Variants in MED12L observed in about 807,000 individuals in gnomAD.
MED12L encodes the protein mediator of RNA polymerase II transcription subunit 12-like protein.
Under a neutral mutation model 281.3 loss-of-function variants are expected in MED12L, and 60 were observed. The ratio of observed to expected loss-of-function variants is 0.21; its 90% CI spans 0.17 to 0.26. The LOEUF is 0.26. MED12L is among the 10% of genes least tolerant of loss of function. MED12L has a pLI of 1.00. For missense variants in MED12L, 2,146 were observed against 2,680.9 expected, an observed-to-expected ratio of 0.80 and a Z score of 4.41; for synonymous variants, 974 against 987.2, an observed-to-expected ratio of 0.99 and a Z score of 0.25.
intron 16 of MED12L, among the ~76,000 whole-genome samples, chr3:151,223,795 A>G (rs547660284): frequency 9.3e-4 from 141 of 152,338 alleles, no homozygotes; most frequent in Admixed American, 1.4e-3. Flanking sequence ...GTGTCACACA[A>G]TATACCCAAG....
At chr3:151,201,798 T>TA (rs1210839119) in intron 16 of MED12L, among the ~76,000 whole-genome samples, 9 of 152,242 alleles carry the variant, frequency 5.9e-5, no homozygotes, top group African/African-American at 1.9e-4. Flanking sequence ...TGTGCATTGA[T>TA]ATAGTGTCAC....
At chr3:151,360,347 A>T in intron 20 of MED12L, 127 bp from the exon 21 acceptor site, 1 of 782,066 alleles carries the variant, frequency 1.3e-6, no homozygotes, top group Non-Finnish European at 2.1e-6. Flanking sequence ...TATTCTATTT[A>T]TTAGTTTCAA....
chr3:151,371,311 T>C (rs1756156223), intron 26 of MED12L, among the ~76,000 whole-genome samples: 1 of 152,184 alleles, frequency 6.6e-6, no homozygotes, highest in Admixed American at 6.5e-5. Flanking sequence ...ACTCAAGGTA[T>C]AGAGGTAGTT....
chr3:151,228,725 T>C (rs984099501), intron 16 of MED12L, among the ~76,000 whole-genome samples: 5 of 152,202 alleles, frequency 3.3e-5, no homozygotes, highest in African/African-American at 9.7e-5. Flanking sequence ...TGCTAATCTT[T>C]CATGAGAGTG....
intron 2 of MED12L, among the ~76,000 whole-genome samples, chr3:151,089,395 C>T (rs1719714217): frequency 6.6e-6 from 1 of 150,896 alleles, no homozygotes; most frequent in South Asian, 2.1e-4. Flanking sequence ...GTGTGGGCTT[C>T]CAAGTTGGGC....
At chr3:151,282,239 T>G (rs1742912364) in intron 16 of MED12L, among the ~76,000 whole-genome samples, 1 of 152,230 alleles carries the variant, frequency 6.6e-6, no homozygotes, top group South Asian at 2.1e-4. Flanking sequence ...CTTTGTAGTA[T>G]TCCATAATTT....
intron 17 of MED12L, among the ~76,000 whole-genome samples, chr3:151,353,787 C>T (rs1280845733): frequency 6.6e-6 from 1 of 152,148 alleles, no homozygotes; most frequent in African/African-American, 2.4e-5. Flanking sequence ...ATTAAACTTT[C>T]CTAAAGAAGA....
intron 16 of MED12L, among the ~76,000 whole-genome samples, chr3:151,203,836 A>G (rs981664188): frequency 2.0e-4 from 31 of 152,084 alleles, no homozygotes; most frequent in African/African-American, 6.3e-4. Flanking sequence ...ATACTATTTT[A>G]TAGTTTATAA....
At chr3:151,399,837 T>C (rs1715440466) in intron 39 of MED12L, among the ~76,000 whole-genome samples, 1 of 141,884 alleles carries the variant, frequency 7.0e-6, no homozygotes, top group African/African-American at 2.7e-5. Flanking sequence ...TTTCTTTTTT[T>C]TTTTCTTGAG....
At chr3:151,356,943 T>C (rs1389208108) in intron 19 of MED12L, among the ~76,000 whole-genome samples, 2 of 152,186 alleles carry the variant, frequency 1.3e-5, no homozygotes, top group African/African-American at 4.8e-5. Context: ...GGGTGGGGTT[T>C]TCTAAAATTA....
intron 16 of MED12L, among the ~76,000 whole-genome samples, chr3:151,301,129 C>T (rs190584136): frequency 4.6e-5 from 7 of 152,150 alleles, no homozygotes; most frequent in Non-Finnish European, 1.0e-4. Flanking sequence ...GATTAAGGCT[C>T]TCAGAATCCC....
intron 16 of MED12L, among the ~76,000 whole-genome samples, chr3:151,209,277 C>T (rs767836114): frequency 3.3e-5 from 5 of 152,098 alleles, no homozygotes; most frequent in Non-Finnish European, 7.4e-5. Flanking sequence ...TGCTTTGGGG[C>T]GCACTTTCTT....
At chr3:151,146,099 T>C (rs563194128) in intron 5 of MED12L, among the ~76,000 whole-genome samples, 1 of 152,338 alleles carries the variant, frequency 6.6e-6, no homozygotes, top group South Asian at 2.1e-4. Flanking sequence ...TCCTCCAGGC[T>C]GCTGATTAAA....
chr3:151,308,820 G>A (rs1747053044), intron 16 of MED12L, among the ~76,000 whole-genome samples: 1 of 152,116 alleles, frequency 6.6e-6, no homozygotes, highest in Admixed American at 6.5e-5. Flanking sequence ...CTGTTGTCAG[G>A]TTAGCTACCC....
intron 5 of MED12L, among the ~76,000 whole-genome samples, chr3:151,139,097 G>C (rs1716563393): frequency 6.6e-6 from 1 of 151,950 alleles, no homozygotes; most frequent in South Asian, 2.1e-4. Flanking sequence ...TCATCTTTTG[G>C]TTTATAATAC....
At chr3:151,215,112 G>A (rs1727941792) in intron 16 of MED12L, among the ~76,000 whole-genome samples, 1 of 151,376 alleles carries the variant, frequency 6.6e-6, no homozygotes, top group East Asian at 1.9e-4. Context: ...TCAATATTGA[G>A]CTTTTTTTTT....
chr3:151,429,261 C>T (rs751360502), intron 43 of MED12L, among the ~76,000 whole-genome samples: 1 of 152,198 alleles, frequency 6.6e-6, no homozygotes, highest in East Asian at 1.9e-4. Context: ...CTCCTATGCT[C>T]CAGTCTCCTG....
At chr3:151,310,974 C>T (rs899390470) in intron 16 of MED12L, among the ~76,000 whole-genome samples, 1 of 152,154 alleles carries the variant, frequency 6.6e-6, no homozygotes, top group African/African-American at 2.4e-5. Context: ...GCCACCCTGG[C>T]TGTGAGACAG....
Position 151,390,130 on chromosome 3 carries a change from C to T in MED12L, c.5603C>T (p.Thr1868Ile), listed in dbSNP as rs1169950103. ...PGFFLQNQSL[T>I]PGGSRLDPAG... The stretch of plus-strand genomic sequence containing the variant: ...TTTTTCCTTCAGAACCAATCTCTTA[C>T]TCCAGGTATGTGATGAGAAAGCACA... The change falls in exon 38 of 45, where the codon ACT (threonine) becomes ATT (isoleucine). Residue 1868 changes from threonine to isoleucine, a missense_variant. Transcript: ENST00000687756. 1 of 1,614,058 alleles carries T rather than the reference C, an allele frequency of 6.2e-7. No individual in the cohort carries two copies. Among genetic ancestry groups the T allele is most frequent in the Non-Finnish European group, 8.5e-7 (1 of 1,179,926 alleles).
Sources: allele counts gnomAD v4.1 joint callset (sites outside exome capture counted in the v4.1 genomes callset), GRCh38; gene constraint gnomAD v4.1.1; transcripts MANE v1.5; gene names NCBI Gene and HGNC (gene_info 2026-07-23, HGNC 2026-07-21).